The following N4BP1 variants were observed in gnomAD, a reference collection of about 807,000 sequenced individuals.
N4BP1 encodes NEDD4 binding protein 1.
In N4BP1, 21 loss-of-function variants were observed where a neutral mutation model predicts 70.9. The observed-to-expected ratio is 0.30, with a 90% CI of 0.21 to 0.43. The LOEUF is 0.43. Among genes scored for constraint, N4BP1 ranks in the 20% least tolerant of loss-of-function variants. The pLI is 1.00. For missense variants in N4BP1, 936 were observed against 1,069.4 expected, an observed-to-expected ratio of 0.88 and a Z score of 1.74; for synonymous variants, 387 against 394.6, an observed-to-expected ratio of 0.98 and a Z score of 0.23.
chr16:48,559,042 C>T (rs1350266508), intron 2 of N4BP1, among the ~76,000 whole-genome samples: 3 of 151,944 alleles, frequency 2.0e-5, no homozygotes, highest in Non-Finnish European at 4.4e-5. Context: ...ATATTTATGA[C>T]CATATATCTG....
intron 2 of N4BP1, among the ~76,000 whole-genome samples, chr16:48,558,737 C>T (rs908733739): frequency 2.0e-5 from 3 of 152,194 alleles, no homozygotes; most frequent in Admixed American, 1.3e-4. Context: ...GAACTTGTTC[C>T]GGGCTTGGGG....
intron 6 of N4BP1, among the ~76,000 whole-genome samples, chr16:48,545,033 C>T (rs906083147): frequency 6.6e-6 from 1 of 151,950 alleles, no homozygotes; most frequent in African/African-American, 2.4e-5. Flanking sequence ...GGCACGATCT[C>T]GGCTCACTGC....
chr16:48,574,322 T>C (rs1964062950), intron 1 of N4BP1, among the ~76,000 whole-genome samples: 1 of 152,210 alleles, frequency 6.6e-6, no homozygotes, highest in Non-Finnish European at 1.5e-5. Context: ...AATTTTAAGT[T>C]TTGCTTGTTT....
chr16:48,579,617 T>C (rs139939972), intron 1 of N4BP1, among the ~76,000 whole-genome samples: 19 of 151,852 alleles, frequency 1.3e-4, no homozygotes, highest in Admixed American at 2.0e-4. Context: ...AGCCAATCTG[T>C]ATCTAACCAA....
At chr16:48,580,320 T>C (rs1964158836) in intron 1 of N4BP1, among the ~76,000 whole-genome samples, 1 of 151,912 alleles carries the variant, frequency 6.6e-6, no homozygotes, top group South Asian at 2.1e-4. Flanking sequence ...CACGAACAAA[T>C]TGGATAACTC....
At chr16:48,571,043 C>T (rs1271519745) in intron 1 of N4BP1, among the ~76,000 whole-genome samples, 7 of 152,172 alleles carry the variant, frequency 4.6e-5, no homozygotes, top group African/African-American at 1.7e-4. Flanking sequence ...CCTTCTGCCT[C>T]GGCCTCCCAA....
intron 1 of N4BP1, among the ~76,000 whole-genome samples, chr16:48,587,900 C>G (rs1964270449): frequency 6.6e-6 from 1 of 151,696 alleles, no homozygotes; most frequent in Non-Finnish European, 1.5e-5. Context: ...TTTGGGAATT[C>G]TGAAGAGAGA....
intron 1 of N4BP1, among the ~76,000 whole-genome samples, chr16:48,562,842 G>A (rs536518637): frequency 2.0e-5 from 3 of 152,228 alleles, no homozygotes; most frequent in Admixed American, 2.0e-4. Context: ...CAAATCAAGT[G>A]ATTGACTACA....
At chr16:48,600,431 T>G in intron 1 of N4BP1, 1 of 649,602 alleles carries the variant, frequency 1.5e-6, no homozygotes, top group East Asian at 2.9e-5. Context: ...ATAAAACTAC[T>G]GAAGCAATGA....
Position 48,562,214 on chromosome 16 carries a change from A to G in N4BP1, c.429T>C (p.Asn143=), listed in dbSNP as rs1219557783. 1 of 1,613,638 alleles carries G rather than the reference A, an allele frequency of 6.2e-7. No homozygotes were observed. The highest frequency in any genetic ancestry group is 1.3e-5 in the African/African-American group (1 of 74,882). ...TCTGACTACTGGGTAGGTTCTCTTT[A>G]TTTTCAAAGAGCTTTACAAATTGTT... The part of the protein sequence containing the change: ...HIQQFVKLFE[N]KENLPSSQKE... The change falls in exon 2 of 7, where the codon AAT becomes AAC. Residue 143 remains asparagine, a synonymous_variant. Transcript: ENST00000262384.
chr16:48,548,650 C>T (rs1415254492), intron 4 of N4BP1, among the ~76,000 whole-genome samples: 4 of 151,930 alleles, frequency 2.6e-5, no homozygotes, highest in South Asian at 2.1e-4. Context: ...AGTTTGAGAC[C>T]AGTCTGGGCA....
At chr16:48,569,281 C>T (rs9922734) in intron 1 of N4BP1, among the ~76,000 whole-genome samples, 61,883 of 152,112 alleles carry the variant, frequency 0.41, 13,610 homozygotes, top group African/African-American at 0.57. Context: ...AATACTGAAA[C>T]TTTTGTTTTA....
At chr16:48,581,743 A>G (rs993007175) in intron 1 of N4BP1, among the ~76,000 whole-genome samples, 2 of 152,228 alleles carry the variant, frequency 1.3e-5, no homozygotes, top group Non-Finnish European at 2.9e-5. Flanking sequence ...GGAAAAGTAT[A>G]CAACCACATG....
intron 1 of N4BP1, among the ~76,000 whole-genome samples, chr16:48,564,544 C>T (rs927630828): frequency 2.6e-5 from 4 of 152,174 alleles, no homozygotes; most frequent in African/African-American, 7.2e-5. Flanking sequence ...TTCATCAAGA[C>T]CACACCGTTT....
At chr16:48,569,847 G>C (rs1328140250) in intron 1 of N4BP1, among the ~76,000 whole-genome samples, 1 of 152,110 alleles carries the variant, frequency 6.6e-6, no homozygotes, top group East Asian at 1.9e-4. Context: ...TGAGCCAAGG[G>C]GATCATGAAC....
At chr16:48,555,795 C>T (rs1413090344) in intron 2 of N4BP1, among the ~76,000 whole-genome samples, 2 of 152,174 alleles carry the variant, frequency 1.3e-5, no homozygotes, top group East Asian at 3.8e-4. Context: ...AACAGAACAA[C>T]CTGCTGGTTC....
intron 2 of N4BP1, among the ~76,000 whole-genome samples, chr16:48,555,978 G>A (rs1444363158): frequency 1.3e-5 from 2 of 152,162 alleles, no homozygotes; most frequent in Non-Finnish European, 1.5e-5. Flanking sequence ...GGAGGAACTG[G>A]ATAGAGGAGG....
chr16:48,557,101 T>C (rs3826174), intron 2 of N4BP1, among the ~76,000 whole-genome samples: 61,208 of 151,876 alleles, frequency 0.4, 13,310 homozygotes, highest in African/African-American at 0.56. Context: ...GAGGTTTTCA[T>C]GGTGGTATGG....
At chr16:48,599,518 G>A (rs925197090) in intron 1 of N4BP1, among the ~76,000 whole-genome samples, 5 of 152,182 alleles carry the variant, frequency 3.3e-5, no homozygotes, top group Admixed American at 3.3e-4. Context: ...TTCTAACACT[G>A]TTTTTTCAGC....
Sources: allele counts gnomAD v4.1 joint callset (sites outside exome capture counted in the v4.1 genomes callset), GRCh38; gene constraint gnomAD v4.1.1; transcripts MANE v1.5; gene names NCBI Gene and HGNC (gene_info 2026-07-23, HGNC 2026-07-21).